Variants in USP15 observed in about 807,000 individuals in gnomAD.
USP15 encodes the protein ubiquitin carboxyl-terminal hydrolase 15.
USP15 carries 18 observed loss-of-function variants against 127.1 expected under a neutral mutation model. The observed-to-expected ratio is 0.14, with a 90% confidence interval of 0.10 to 0.21. The LOEUF (loss-of-function observed/expected upper bound fraction) is 0.21, where lower values mean the gene tolerates loss of function less well. USP15 is among the 10% of genes least tolerant of loss of function. USP15 has a pLI of 1.00. For missense variants in USP15, 805 were observed against 1,159.9 expected (o/e 0.69, Z 4.44); for synonymous variants, 364 against 393.7 (o/e 0.92, Z 0.89).
chr12:62,360,587 A>G (rs924141043), intron 8 of USP15, among the ~76,000 whole-genome samples: 3 of 152,016 alleles, frequency 2.0e-5, no homozygotes, highest in Admixed American at 6.6e-5. Context: ...TTTTGCATTT[A>G]TTGGAACTCA....
At chr12:62,273,541 G>A (rs1013997173) in intron 1 of USP15, among the ~76,000 whole-genome samples, 3 of 152,056 alleles carry the variant, frequency 2.0e-5, no homozygotes, top group Non-Finnish European at 4.4e-5. Context: ...TTGGTGTGGT[G>A]CTTTTTCTAT....
rs979881320 is a variant in USP15 at position 62,396,454 on chromosome 12, T to G, written c.2674+56T>G. On this transcript the variant is annotated intron_variant, in intron 20 of 21. Transcript: ENST00000280377. ...TCATGGTGTTTGAAGAACTCCAGAC[T>G]TTTTTCTTTAAGATATTTATTACTT... 2.8e-6 allele frequency: 4 copies of G among 1,441,578 alleles called. No homozygotes were observed. In the South Asian group the frequency reaches 4.6e-5, roughly 17 times the overall value. The allele number at this position is 1,441,578 out of a possible 1,614,324, so 89.3% of individuals were successfully genotyped here.
intron 6 of USP15, among the ~76,000 whole-genome samples, chr12:62,334,956 A>T (rs941733585): frequency 2.0e-5 from 3 of 152,208 alleles, no homozygotes; most frequent in Non-Finnish European, 4.4e-5. Flanking sequence ...AAATTCAGAT[A>T]CTACAAACTT....
chr12:62,296,116 A>T (rs530651712), intron 2 of USP15, among the ~76,000 whole-genome samples: 1 of 152,350 alleles, frequency 6.6e-6, no homozygotes, highest in African/African-American at 2.4e-5. Context: ...AGGAACAGAG[A>T]GTGGCCTCAG....
Position 62,391,366 on chromosome 12 carries a change from A to G in USP15, c.2170A>G (p.Ile724Val). 1 of 1,613,134 alleles carries G rather than the reference A, an allele frequency of 6.2e-7. No individual in the cohort carries two copies. The highest frequency in any genetic ancestry group is 8.5e-7 in the Non-Finnish European group (1 of 1,179,558). Reference sequence around the variant, plus strand: ...GTTCAACAACTTAGGCAATACTGATATCAACTACATCAAAGATGATACCAG... The same window carrying G: ...GTTCAACAACTTAGGCAATACTGATGTCAACTACATCAAAGATGATACCAG... ...FQFNNLGNTD[I>V]NYIKDDTRHI... The change falls in exon 16 of 22, where the codon ATC becomes GTC. Residue 724 changes from isoleucine to valine, a missense_variant. This residue lies in a region of USP15 where 225 missense variants were observed against 239.5 expected (regional missense o/e 0.94). Coordinates refer to ENST00000280377, the MANE Select transcript of USP15 (RefSeq NM_001252078.2).
intron 19 of USP15, chr12:62,393,773 G>C (rs990307875): frequency 6.6e-6 from 1 of 152,216 alleles, no homozygotes; most frequent in Non-Finnish European, 1.5e-5. Context: ...GTACAGACGA[G>C]GTTTCACCAT....
intron 1 of USP15, among the ~76,000 whole-genome samples, chr12:62,261,012 C>T (rs1175273133): frequency 6.6e-6 from 1 of 152,066 alleles, no homozygotes; most frequent in Non-Finnish European, 1.5e-5. Context: ...CTGTACTACA[C>T]AGGTGGCATG....
chr12:62,382,992 G>A (rs544897610), intron 9 of USP15, among the ~76,000 whole-genome samples: 8 of 151,982 alleles, frequency 5.3e-5, no homozygotes, highest in African/African-American at 1.7e-4. Context: ...TAATGACAAT[G>A]AAATCTATGA....
chr12:62,371,570 CTT>C (rs1356452745), intron 8 of USP15, among the ~76,000 whole-genome samples: 2 of 152,076 alleles, frequency 1.3e-5, no homozygotes, highest in East Asian at 1.9e-4. Context: ...AAAAGCAAGA[CTT>C]GTTTTTTATA....
intron 1 of USP15, among the ~76,000 whole-genome samples, chr12:62,290,985 T>C (rs1035545401): frequency 1.3e-5 from 2 of 152,202 alleles, no homozygotes; most frequent in African/African-American, 4.8e-5. Context: ...GGAAGTCTGC[T>C]GTTAGTCTGA....
chr12:62,372,412 T>C (rs954755488), intron 8 of USP15, among the ~76,000 whole-genome samples: 3 of 152,150 alleles, frequency 2.0e-5, no homozygotes, highest in African/African-American at 7.2e-5. Flanking sequence ...AAAATTCTTT[T>C]AGAACATTAT....
chr12:62,302,990 A>G (rs2064361296), intron 3 of USP15, 70 bp downstream of exon 3: 2 of 1,517,814 alleles, frequency 1.3e-6, no homozygotes, highest in African/African-American at 1.4e-5. Flanking sequence ...TATTAATTCA[A>G]TGAATTGTGA....
At chr12:62,358,991 TATG>T (rs935936458) in intron 8 of USP15, among the ~76,000 whole-genome samples, 1 of 152,110 alleles carries the variant, frequency 6.6e-6, no homozygotes, top group African/African-American at 2.4e-5. Context: ...ATCCTGACCT[TATG>T]AAGATTATAG....
chr12:62,386,009 A>G (rs1409041028), intron 11 of USP15, among the ~76,000 whole-genome samples: 3 of 152,100 alleles, frequency 2.0e-5, no homozygotes, highest in Non-Finnish European at 4.4e-5. Flanking sequence ...CATAAGGTAT[A>G]TGATAAGTGC....
At chr12:62,361,813 C>T (rs2066327651) in intron 8 of USP15, among the ~76,000 whole-genome samples, 1 of 151,870 alleles carries the variant, frequency 6.6e-6, no homozygotes, top group African/African-American at 2.4e-5. Flanking sequence ...AAAAGTTTAC[C>T]ATTTACTTCT....
chr12:62,361,630 T>C (rs1042020940), intron 8 of USP15, among the ~76,000 whole-genome samples: 1 of 151,766 alleles, frequency 6.6e-6, no homozygotes, highest in African/African-American at 2.4e-5. Context: ...ATTTCAAGGA[T>C]TTTTTTTGTA....
At chr12:62,392,050 C>A (rs990586974) in intron 17 of USP15, among the ~76,000 whole-genome samples, 164 bp downstream of exon 17, 9 of 151,678 alleles carry the variant, frequency 5.9e-5, no homozygotes, top group African/African-American at 2.2e-4. Flanking sequence ...TGCAAAAATA[C>A]CTTTTTTTTT....
chr12:62,283,201 A>T (rs915687575), intron 1 of USP15, among the ~76,000 whole-genome samples: 2 of 152,354 alleles, frequency 1.3e-5, no homozygotes, highest in East Asian at 3.9e-4. Context: ...GTAGAAGAGT[A>T]AAAGCTATTC....
intron 6 of USP15, among the ~76,000 whole-genome samples, chr12:62,344,235 A>G (rs990346282): frequency 6.6e-6 from 1 of 152,228 alleles, no homozygotes; most frequent in African/African-American, 2.4e-5. Flanking sequence ...CCTAGATACA[A>G]GGAAGATACA....
Sources: allele counts gnomAD v4.1 joint callset (sites outside exome capture counted in the v4.1 genomes callset), GRCh38; gene constraint gnomAD v4.1.1; regional missense constraint gnomAD v4.1.1; transcripts MANE v1.5; gene names NCBI Gene and HGNC (gene_info 2026-07-23, HGNC 2026-07-21).